Variants in ANKS1B observed in about 807,000 individuals in gnomAD.
ANKS1B encodes the protein ankyrin repeat and sterile alpha motif domain containing 1B.
Under a neutral mutation model 148.3 loss-of-function variants are expected in ANKS1B, and 36 were observed. That is an observed-to-expected ratio of 0.24 (90% CI 0.19 to 0.32). The LOEUF is 0.32. ANKS1B is among the 10% of genes least tolerant of loss of function. ANKS1B has a pLI of 1.00. For missense variants in ANKS1B, 1,157 were observed against 1,542.6 expected, an observed-to-expected ratio of 0.75 and a Z score of 4.19; for synonymous variants, 542 against 560.8, an observed-to-expected ratio of 0.97 and a Z score of 0.47.
chr12:99,767,733 TAA>T (rs1385588040), intron 8 of ANKS1B, among the ~76,000 whole-genome samples: 1 of 152,124 alleles, frequency 6.6e-6, no homozygotes, highest in Non-Finnish European at 1.5e-5. Context: ...ATGCATATTA[TAA>T]GAGTATATAA....
rs11110170 is a variant in ANKS1B, at chr12:99,981,177, C to T, written c.134+2927G>A. On this transcript the variant is annotated intron_variant, in intron 1 of 26. Transcript: ENST00000683438. The stretch of plus-strand genomic sequence containing the variant: ...GAACACCTATATGCTAAATGTTTTG[C>T]ATTCATTACTTTATACTTCATTTAA... Among the ~76,000 whole-genome samples the T allele has an allele frequency of 3.6e-3, 554 of 152,140 alleles. 7 individuals carry two copies. Among genetic ancestry groups the T allele is most frequent in the African/African-American group, 0.013 (523 of 41,552 alleles).
At chr12:99,880,355 T>C (rs745489428) in intron 1 of ANKS1B, among the ~76,000 whole-genome samples, 10 of 152,142 alleles carry the variant, frequency 6.6e-5, no homozygotes, top group Non-Finnish European at 1.2e-4. Flanking sequence ...CAAAAGTAGA[T>C]AACAGGGATT....
intron 12 of ANKS1B, among the ~76,000 whole-genome samples, chr12:99,293,906 A>G (rs1027511930): frequency 6.6e-6 from 1 of 152,232 alleles, no homozygotes; most frequent in African/African-American, 2.4e-5. Flanking sequence ...TACAAACAGC[A>G]AGCGAGTATG....
chr12:99,014,348 C>T (rs935520005), intron 17 of ANKS1B, among the ~76,000 whole-genome samples: 21 of 152,142 alleles, frequency 1.4e-4, no homozygotes, highest in African/African-American at 4.8e-4. Flanking sequence ...GGATCCCTTC[C>T]TTACACGATA....
chr12:99,312,203 C>G (rs1288718455), intron 12 of ANKS1B, among the ~76,000 whole-genome samples: 1 of 152,172 alleles, frequency 6.6e-6, no homozygotes, highest in Non-Finnish European at 1.5e-5. Context: ...TTAGGGCCAG[C>G]AACCAGGAGT....
chr12:98,802,274 A>C (rs904838340), intron 20 of ANKS1B, among the ~76,000 whole-genome samples: 43 of 152,360 alleles, frequency 2.8e-4, no homozygotes, highest in African/African-American at 1.0e-3. Flanking sequence ...GAAGTGCTAG[A>C]AAGTGTGTTG....
rs74543792 is a variant in ANKS1B, at chr12:99,233,322, T to G, written c.2419+11020A>C. Among the ~76,000 whole-genome samples, 773 of 152,220 alleles carry G rather than the reference T, an allele frequency of 5.1e-3. 24 individuals carry two copies. The East Asian group carries it at 0.081, about 16-fold the overall frequency. ...TCTTATAGGGTGGTTATTAAAAATCTGAGTTTCTAGGTGAGGAAGTTGACA... is the reference window on the plus strand; with the variant it reads ...TCTTATAGGGTGGTTATTAAAAATCGGAGTTTCTAGGTGAGGAAGTTGACA... On this transcript the variant is annotated intron_variant, in intron 14 of 26. Coordinates refer to ENST00000683438, the MANE Select transcript of ANKS1B (RefSeq NM_001352186.2).
intron 12 of ANKS1B, among the ~76,000 whole-genome samples, chr12:99,317,230 T>C (rs902667007): frequency 6.6e-6 from 1 of 152,248 alleles, no homozygotes; most frequent in African/African-American, 2.4e-5. Flanking sequence ...TTGATGGGAA[T>C]GGCATTGAAT....
In ANKS1B at chr12:99,501,886, C is replaced by T. The variant is rs562727124; in HGVS notation, c.1438+2590G>A. Among the ~76,000 whole-genome samples, 36 of 152,252 alleles carry T rather than the reference C, an allele frequency of 2.4e-4. 1 individual carries two copies. The South Asian group carries it at 5.0e-3, about 21-fold the overall frequency. On this transcript the variant is annotated intron_variant, in intron 10 of 26. Transcript: ENST00000683438. Reference sequence around the variant, plus strand: ...AGAAATTCCTAATTTAGATGTGATTCGATTTCTGTAATTTTCATATCAGCT... The same window carrying T: ...AGAAATTCCTAATTTAGATGTGATTTGATTTCTGTAATTTTCATATCAGCT...
intron 9 of ANKS1B, among the ~76,000 whole-genome samples, chr12:99,616,642 A>C (rs190891716): frequency 6.6e-6 from 1 of 152,340 alleles, no homozygotes; most frequent in Admixed American, 6.5e-5. Context: ...AAATTAACTC[A>C]AGATGGATTA....
intron 11 of ANKS1B, among the ~76,000 whole-genome samples, chr12:99,439,079 AAAT>A (rs2095507207): frequency 6.6e-6 from 1 of 151,842 alleles, no homozygotes; most frequent in African/African-American, 2.4e-5. Context: ...TGAAAGCAAT[AAAT>A]AATACTAAAT....
intron 1 of ANKS1B, among the ~76,000 whole-genome samples, chr12:99,968,443 G>A (rs910671330): frequency 2.6e-5 from 4 of 151,854 alleles, no homozygotes; most frequent in Non-Finnish European, 4.4e-5. Flanking sequence ...CTGTAGTCCC[G>A]GCTACTCGGG....
intron 8 of ANKS1B, among the ~76,000 whole-genome samples, chr12:99,736,102 T>C (rs1428103342): frequency 6.6e-6 from 1 of 151,870 alleles, no homozygotes; most frequent in Non-Finnish European, 1.5e-5. Context: ...GCATAGAAGG[T>C]AGATATCTCA....
chr12:99,852,935 G>A (rs2088212891), intron 1 of ANKS1B, among the ~76,000 whole-genome samples: 1 of 152,166 alleles, frequency 6.6e-6, no homozygotes. Flanking sequence ...GGTGAGGCCT[G>A]TGGCTGCCAG....
At chr12:98,955,632 A>G (rs73382460) in intron 17 of ANKS1B, among the ~76,000 whole-genome samples, 2,092 of 152,312 alleles carry the variant, frequency 0.014, 46 homozygotes, top group African/African-American at 0.048. Flanking sequence ...GAGTACAGCC[A>G]ACAGGATTTG....
At chr12:99,158,844 C>A (rs2076349260) in intron 14 of ANKS1B, among the ~76,000 whole-genome samples, 1 of 152,168 alleles carries the variant, frequency 6.6e-6, no homozygotes, top group Non-Finnish European at 1.5e-5. Flanking sequence ...CTCCTCAAAT[C>A]CCAACCAAGC....
intron 10 of ANKS1B, among the ~76,000 whole-genome samples, chr12:99,458,829 A>G (rs2095893021): frequency 6.6e-6 from 1 of 151,998 alleles, no homozygotes; most frequent in Non-Finnish European, 1.5e-5. Context: ...TCTCTCAGAC[A>G]TTCAAAGAAG....
At chr12:99,416,625 T>C (rs2094917432) in intron 11 of ANKS1B, among the ~76,000 whole-genome samples, 1 of 152,222 alleles carries the variant, frequency 6.6e-6, no homozygotes, top group African/African-American at 2.4e-5. Context: ...CTTGTGCTTA[T>C]TTGCTGCCAT....
intron 10 of ANKS1B, among the ~76,000 whole-genome samples, chr12:99,500,806 C>T (rs1182691200): frequency 6.6e-6 from 1 of 152,136 alleles, no homozygotes; most frequent in Non-Finnish European, 1.5e-5. Context: ...TGAAAAATTA[C>T]CTCCTCAAAT....
Sources: gnomAD v4.1 joint callset for allele counts (sites outside exome capture counted in the v4.1 genomes callset) on GRCh38, gnomAD v4.1.1 for gene constraint, MANE v1.5 for transcripts, NCBI Gene and HGNC (gene_info 2026-07-23, HGNC 2026-07-21) for gene names.